The following NAALADL2 variants were observed in gnomAD, a reference collection of about 807,000 sequenced individuals.
NAALADL2 encodes the protein inactive N-acetylated-alpha-linked acidic dipeptidase-like protein 2.
In NAALADL2, 76 loss-of-function variants were observed where a neutral mutation model predicts 87.2. That is an observed-to-expected ratio of 0.87 (90% CI 0.72 to 1.05). NAALADL2 has a LOEUF of 1.05. Ranked by LOEUF, NAALADL2 falls within the 50% of genes least tolerant of loss-of-function variation. The probability of loss-of-function intolerance (pLI) is 0.00; values close to 1 mark genes in which losing one functional copy is unlikely to be tolerated. For missense variants in NAALADL2, 1,089 were observed against 945.8 expected (o/e 1.15, Z -1.99); for synonymous variants, 354 against 331.0 (o/e 1.07, Z -0.75).
chr3:174,571,911 A>C (rs1351342226), intron 2 of NAALADL2, among the ~76,000 whole-genome samples: 1 of 152,204 alleles, frequency 6.6e-6, no homozygotes, highest in African/African-American at 2.4e-5. Flanking sequence ...ATTTCTTCAG[A>C]CTTGTTTTAC....
At chr3:175,422,035 C>T (rs1056361451) in intron 5 of NAALADL2, among the ~76,000 whole-genome samples, 12 of 152,058 alleles carry the variant, frequency 7.9e-5, no homozygotes, top group Non-Finnish European at 1.5e-4. Context: ...AGGAAGGACA[C>T]ACCCCATCAT....
In NAALADL2 at chr3:175,509,071, G is replaced by C. The variant is rs149189497; in HGVS notation, c.1653+37313G>C. Among the ~76,000 whole-genome samples, 1,290 of 151,206 alleles carry C rather than the reference G, an allele frequency of 8.5e-3. 12 individuals carry two copies. Among genetic ancestry groups the C allele is most frequent in the African/African-American group, 0.028 (1,170 of 41,118 alleles). ...ACGGACGTTGTAGTGAGCTGAGATTGCACCATTGCATTCCAGCCTGGGTGA... is the reference window on the plus strand; with the variant it reads ...ACGGACGTTGTAGTGAGCTGAGATTCCACCATTGCATTCCAGCCTGGGTGA... On this transcript the variant is annotated intron_variant, in intron 9 of 13. Coordinates refer to ENST00000454872, the MANE Select transcript of NAALADL2 (RefSeq NM_207015.3).
chr3:174,976,314 T>C (rs536089019), intron 1 of NAALADL2, among the ~76,000 whole-genome samples: 1 of 152,212 alleles, frequency 6.6e-6, no homozygotes, highest in Non-Finnish European at 1.5e-5. Flanking sequence ...TTGTCTATAG[T>C]CCTCATAGTA....
chr3:175,292,836 G>C (rs1468299824), intron 4 of NAALADL2, among the ~76,000 whole-genome samples: 1 of 151,538 alleles, frequency 6.6e-6, no homozygotes, highest in African/African-American at 2.4e-5. Flanking sequence ...AGGAGATCGA[G>C]ACCATCCTGG....
At chr3:175,183,892 A>C (rs1736958243) in intron 2 of NAALADL2, among the ~76,000 whole-genome samples, 1 of 151,876 alleles carries the variant, frequency 6.6e-6, no homozygotes, top group African/African-American at 2.4e-5. Context: ...AAACAATTAT[A>C]CTCTTTTCAT....
chr3:175,639,222 C>G (rs1207252571), intron 11 of NAALADL2, among the ~76,000 whole-genome samples: 1 of 151,870 alleles, frequency 6.6e-6, no homozygotes. Context: ...CTCTAGCAAA[C>G]AGGTGCACCT....
chr3:174,601,173 A>T (rs1006050969), intron 2 of NAALADL2, among the ~76,000 whole-genome samples: 1 of 152,060 alleles, frequency 6.6e-6, no homozygotes, highest in Non-Finnish European at 1.5e-5. Context: ...AGATTTCTGG[A>T]TCATATGGTA....
intron 2 of NAALADL2, among the ~76,000 whole-genome samples, chr3:174,668,932 C>G (rs538839196): frequency 1.6e-4 from 25 of 152,264 alleles, no homozygotes; most frequent in African/African-American, 6.0e-4. Flanking sequence ...TGGGTATATA[C>G]CCAGTAATGG....
intron 3 of NAALADL2, among the ~76,000 whole-genome samples, chr3:174,832,584 C>T (rs568877979): frequency 1.3e-5 from 2 of 152,218 alleles, no homozygotes; most frequent in South Asian, 2.1e-4. Flanking sequence ...GCCTCAGCCT[C>T]CCGAGTAGCT....
chr3:174,659,069 G>A (rs1195943442), intron 2 of NAALADL2, among the ~76,000 whole-genome samples: 1 of 152,122 alleles, frequency 6.6e-6, no homozygotes, highest in African/African-American at 2.4e-5. Flanking sequence ...GTTAAGGGTA[G>A]TGATTAATAC....
At chr3:174,733,903 G>A (rs1284848625) in intron 2 of NAALADL2, among the ~76,000 whole-genome samples, 3 of 152,130 alleles carry the variant, frequency 2.0e-5, no homozygotes, top group Non-Finnish European at 4.4e-5. Flanking sequence ...GTGATCTGGT[G>A]GGTTTCAGTT....
intron 1 of NAALADL2, among the ~76,000 whole-genome samples, chr3:175,035,188 T>C (rs1487823740): frequency 6.6e-6 from 1 of 152,090 alleles, no homozygotes; most frequent in African/African-American, 2.4e-5. Flanking sequence ...TATGCCTAGG[T>C]TGAAAATTGG....
chr3:175,009,452 G>GACCA lies in NAALADL2; in HGVS notation c.44-87336_44-87333dup, dbSNP rs781446793. Among the ~76,000 whole-genome samples, 12 of 152,074 alleles carry GACCA rather than the reference G, an allele frequency of 7.9e-5. 1 individual carries two copies. The highest frequency in any genetic ancestry group is 7.7e-4 in the East Asian group (4 of 5,194). On this transcript the variant is annotated intron_variant, in intron 1 of 13. Coordinates refer to ENST00000454872, the MANE Select transcript of NAALADL2 (RefSeq NM_207015.3). ...TCTAATCCAAAGAAGTAAAAACAGG[G>GACCA]ACCAAGTGATGTAATCATTGAGCAG...
At chr3:174,561,930 AT>A (rs1419387988) in intron 2 of NAALADL2, among the ~76,000 whole-genome samples, 1 of 152,180 alleles carries the variant, frequency 6.6e-6, no homozygotes, top group Non-Finnish European at 1.5e-5. Flanking sequence ...TTTTGTAAAA[AT>A]GTTCTTTGTC....
intron 5 of NAALADL2, among the ~76,000 whole-genome samples, chr3:175,395,082 G>A (rs1353826718): frequency 1.3e-5 from 2 of 151,994 alleles, no homozygotes; most frequent in Non-Finnish European, 2.9e-5. Context: ...CACAAGCGTT[G>A]GGATACCAAG....
At chr3:175,323,874 C>G (rs1179150029) in intron 4 of NAALADL2, among the ~76,000 whole-genome samples, 1 of 150,232 alleles carries the variant, frequency 6.7e-6, no homozygotes, top group African/African-American at 2.5e-5. Context: ...AAAAATTAGC[C>G]GGGTGTGGTG....
intron 9 of NAALADL2, among the ~76,000 whole-genome samples, chr3:175,542,485 C>G (rs73169455): frequency 1.3e-5 from 2 of 152,310 alleles, no homozygotes; most frequent in Non-Finnish European, 2.9e-5. Context: ...AAAGACAGCC[C>G]TCCATTGTCC....
In NAALADL2 at chr3:175,520,376, G is replaced by A. The variant is rs1176349222; in HGVS notation, c.1653+48618G>A. The stretch of plus-strand genomic sequence containing the variant: ...TGCAGTGGTGCAATCTCGGCTCACT[G>A]CAAGCTCCGCTTCCCGGGTTCACGC... On this transcript the variant is annotated intron_variant, in intron 9 of 13. Coordinates refer to ENST00000454872, the MANE Select transcript of NAALADL2 (RefSeq NM_207015.3). Among the ~76,000 whole-genome samples, 6 of 137,868 alleles carry A rather than the reference G, an allele frequency of 4.4e-5. No individual in the cohort carries two copies. The East Asian group carries it at 1.3e-3, about 30-fold the overall frequency. 90.4% of individuals were successfully genotyped at this position (137,868 alleles called of 152,430 possible).
Position 175,467,001 on chromosome 3 carries a change from C to A in NAALADL2, c.1350C>A (p.Ser450Arg). Residue 450 changes from serine to arginine, a missense_variant, in exon 8 of 14, where the codon AGC becomes AGA. Transcript: ENST00000454872. ...CAGACCGGTATATCATAGTTGGCAG[C>A]CATCATCACACTGCACACAGTTATA... The part of the protein sequence containing the change: ...TSPDRYIIVG[S>R]HHHTAHSYNG... 2 of 1,613,338 alleles carry A rather than the reference C, an allele frequency of 1.2e-6. No individual in the cohort carries two copies. Among genetic ancestry groups the A allele is most frequent in the Non-Finnish European group, 1.7e-6 (2 of 1,179,386 alleles).
Sources: gnomAD v4.1 joint callset for allele counts (sites outside exome capture counted in the v4.1 genomes callset) on GRCh38, gnomAD v4.1.1 for gene constraint, MANE v1.5 for transcripts, NCBI Gene and HGNC (gene_info 2026-07-23, HGNC 2026-07-21) for gene names.